The following TMEM120B variants were observed in gnomAD, a reference collection of about 807,000 sequenced individuals.
The protein encoded by TMEM120B is transmembrane protein 120B.
TMEM120B carries 31 observed loss-of-function variants against 55.5 expected under a neutral mutation model. The ratio of observed to expected loss-of-function variants is 0.56; its 90% CI spans 0.42 to 0.75. The LOEUF is 0.75. TMEM120B is among the 30% of genes least tolerant of loss of function. TMEM120B has a pLI of 0.00. For missense variants in TMEM120B, 399 were observed against 425.5 expected (o/e 0.94, Z 0.55); for synonymous variants, 203 against 176.3 (o/e 1.15, Z -1.20).
chr12:121,763,157 C>CTTTTT lies in TMEM120B; in HGVS notation c.551+1438_551+1442dup, dbSNP rs35941086. 1.5e-4 allele frequency among the ~76,000 whole-genome samples: 13 copies of CTTTTT among 88,112 alleles called. No homozygotes were observed. In the East Asian group the frequency reaches 2.0e-3, roughly 14 times the overall value. The allele number at this position is 88,112 out of a possible 152,430, so 57.8% of individuals were successfully genotyped here. On this transcript the variant is annotated intron_variant, in intron 6 of 11. Transcript: ENST00000449592. Reference sequence around the variant, plus strand: ...GGTGGCCATTGGAACCTCGGCATGCCTTTTTTTTTTTTTTTTTTTTTTTGA... The same window carrying CTTTTT: ...GGTGGCCATTGGAACCTCGGCATGCCTTTTTTTTTTTTTTTTTTTTTTTTTTTTGA...
At chr12:121,755,662 G>A (rs772654374) in intron 5 of TMEM120B, among the ~76,000 whole-genome samples, 4 of 152,104 alleles carry the variant, frequency 2.6e-5, no homozygotes, top group Non-Finnish European at 4.4e-5. Context: ...AGTTTATTTA[G>A]GAGGTGATCC....
At chr12:121,772,277 C>T (rs1043970404) in intron 8 of TMEM120B, among the ~76,000 whole-genome samples, 1 of 151,632 alleles carries the variant, frequency 6.6e-6, no homozygotes, top group Non-Finnish European at 1.5e-5. Context: ...TACAGGTGCG[C>T]ACCACCACGC....
intron 1 of TMEM120B, among the ~76,000 whole-genome samples, chr12:121,741,481 C>T (rs1872932094): frequency 6.6e-6 from 1 of 152,172 alleles, no homozygotes; most frequent in South Asian, 2.1e-4. Context: ...AGGCATGTGC[C>T]ATCACGCCTG....
chr12:121,760,340 G>A lies in TMEM120B; in HGVS notation c.462-1309G>A, dbSNP rs538265305. On this transcript the variant is annotated intron_variant, in intron 5 of 11. Coordinates refer to ENST00000449592, the MANE Select transcript of TMEM120B (RefSeq NM_001080825.2). The stretch of plus-strand genomic sequence containing the variant: ...AAGTACACTTAGAAGAGGGCCGAGC[G>A]GGCATCTTGGAGGACAAGTGTGCGG... Among the ~76,000 whole-genome samples the A allele has an allele frequency of 9.2e-4, 140 of 151,736 alleles. 1 individual carries two copies. Among genetic ancestry groups the A allele is most frequent in the Middle Eastern group, 6.8e-3 (2 of 292 alleles).
intron 6 of TMEM120B, among the ~76,000 whole-genome samples, chr12:121,767,353 G>T (rs1322620341): frequency 6.6e-6 from 1 of 152,114 alleles, no homozygotes; most frequent in Non-Finnish European, 1.5e-5. Flanking sequence ...GTAGAGACGG[G>T]GTTTCACTAT....
At chr12:121,774,524 G>T (rs1358156160) in intron 9 of TMEM120B, 134 bp from the exon 10 acceptor site, 34 of 785,780 alleles carry the variant, frequency 4.3e-5, no homozygotes, top group Non-Finnish European at 6.4e-5. Flanking sequence ...GACAGGTGAG[G>T]GCTGACCCCC....
chr12:121,751,558 G>A (rs1282303563), intron 4 of TMEM120B, among the ~76,000 whole-genome samples: 2 of 151,702 alleles, frequency 1.3e-5, no homozygotes, highest in African/African-American at 4.8e-5. Context: ...CAGGTGAGGC[G>A]CTGGCTTTTG....
chr12:121,734,782 A>C (rs970361638), intron 1 of TMEM120B, among the ~76,000 whole-genome samples: 1 of 151,848 alleles, frequency 6.6e-6, no homozygotes, highest in African/African-American at 2.4e-5. Flanking sequence ...GCGTGATGGC[A>C]GGTGCCTGTA....
At chr12:121,724,730 C>T (rs1434671055) in intron 1 of TMEM120B, among the ~76,000 whole-genome samples, 1 of 151,894 alleles carries the variant, frequency 6.6e-6, no homozygotes, top group Non-Finnish European at 1.5e-5. Flanking sequence ...CCTGCCTCAG[C>T]CTCTCGAGTA....
chr12:121,713,110 C>T, intron 1 of TMEM120B, 146 bp downstream of exon 1: 2 of 569,190 alleles, frequency 3.5e-6, no homozygotes, highest in South Asian at 3.0e-5. Flanking sequence ...GAGGCATGGA[C>T]CAGCCCCCTC....
chr12:121,736,067 C>T (rs1895104271), intron 1 of TMEM120B, among the ~76,000 whole-genome samples: 1 of 152,136 alleles, frequency 6.6e-6, no homozygotes. Flanking sequence ...TAACACCAAA[C>T]TTGCAGGGTG....
intron 2 of TMEM120B, among the ~76,000 whole-genome samples, chr12:121,743,969 C>T (rs1592934273): frequency 6.6e-6 from 1 of 152,098 alleles, no homozygotes; most frequent in Non-Finnish European, 1.5e-5. Flanking sequence ...GGTGACTGTC[C>T]CCTTCACCAG....
At chr12:121,771,389 C>A in intron 7 of TMEM120B, 99 bp from the exon 8 acceptor site, 1 of 1,062,532 alleles carries the variant, frequency 9.4e-7, no homozygotes, top group Non-Finnish European at 1.5e-6. Flanking sequence ...TGACTTTATA[C>A]ACCTTTTCGC....
chr12:121,726,907 C>CAAAAAAAAAAAAA (rs71305665), intron 1 of TMEM120B, among the ~76,000 whole-genome samples: 1 of 73,716 alleles, frequency 1.4e-5, no homozygotes, highest in Non-Finnish European at 2.8e-5. Flanking sequence ...GACTCTGTCT[C>CAAAAAAAAAAAAA]AAAAAAAAAA....
chr12:121,741,627 AATT>A (rs1277261521), intron 1 of TMEM120B, among the ~76,000 whole-genome samples: 4 of 151,442 alleles, frequency 2.6e-5, no homozygotes, highest in South Asian at 2.1e-4. Flanking sequence ...CTGCGCCTGA[AATT>A]ATTATTATTA....
At chr12:121,730,660 A>AAC (rs1555330356) in intron 1 of TMEM120B, among the ~76,000 whole-genome samples, 8 of 146,936 alleles carry the variant, frequency 5.4e-5, no homozygotes, top group East Asian at 2.1e-4. Context: ...AAAAAAAAAA[A>AAC]AAACAAACAA....
intron 8 of TMEM120B, among the ~76,000 whole-genome samples, chr12:121,772,091 CTCTCTCTCTTTCTCTCTT>C (rs1176404057): frequency 1.4e-5 from 2 of 147,504 alleles, no homozygotes; most frequent in African/African-American, 5.2e-5. Context: ...CTCTTTCTCT[CTCTCTCTCTTTCTCTCTT>C]TCTCTCTCTC....
chr12:121,776,687 G>A lies in TMEM120B; in HGVS notation c.*965G>A, dbSNP rs889921988. 6.6e-6 allele frequency: 1 copy of A among 152,276 alleles called. No individual in the cohort carries two copies. The highest frequency in any genetic ancestry group is 1.5e-5 in the Non-Finnish European group (1 of 68,074). The allele number at this position is 152,276 out of a possible 1,614,324, so 9.4% of individuals were successfully genotyped here. A position where few individuals can be genotyped will look rare whatever the true frequency, so the allele number is the denominator to read the frequency against. On this transcript the variant is annotated 3_prime_UTR_variant, in exon 12 of 12. Coordinates refer to ENST00000449592, the MANE Select transcript of TMEM120B (RefSeq NM_001080825.2). ...GTGCTCTGCCCCACCATTCATATAT[G>A]GGCCTCAGCTCCCCCTAACTGTGGC... is the stretch of plus-strand genomic sequence containing the variant.
chr12:121,774,949 G>A, intron 10 of TMEM120B, 113 bp from the exon 11 acceptor site: 1 of 1,220,794 alleles, frequency 8.2e-7, no homozygotes, highest in Non-Finnish European at 1.2e-6. Flanking sequence ...GTCTGTCAGT[G>A]TTGTGGGTAG....
Sources: gnomAD v4.1 joint callset for allele counts (sites outside exome capture counted in the v4.1 genomes callset) on GRCh38, gnomAD v4.1.1 for gene constraint, MANE v1.5 for transcripts, NCBI Gene and HGNC (gene_info 2026-07-23, HGNC 2026-07-21) for gene names.